The following NEGR1 variants were observed in gnomAD, a reference collection of about 807,000 sequenced individuals.
NEGR1 encodes the protein neuronal growth regulator 1.
Under a neutral mutation model 40.9 loss-of-function variants are expected in NEGR1, and 10 were observed. That is an observed-to-expected ratio of 0.24 (90% CI 0.15 to 0.42). The LOEUF (loss-of-function observed/expected upper bound fraction) is 0.42, where lower values mean the gene tolerates loss of function less well. NEGR1 is among the 10% of genes least tolerant of loss of function. NEGR1 has a pLI of 1.00. For missense variants in NEGR1, 352 were observed against 438.9 expected (o/e 0.80, Z 1.77); for synonymous variants, 185 against 166.8 (o/e 1.11, Z -0.84).
chr1:71,815,822 G>T (rs141348034), intron 2 of NEGR1, among the ~76,000 whole-genome samples: 1 of 151,826 alleles, frequency 6.6e-6, no homozygotes, highest in Non-Finnish European at 1.5e-5. Flanking sequence ...CCTCTTCCTC[G>T]ACTTTTTTTA....
chr1:71,525,690 G>A (rs965996435), intron 6 of NEGR1, among the ~76,000 whole-genome samples: 2 of 151,584 alleles, frequency 1.3e-5, no homozygotes, highest in Admixed American at 6.6e-5. Flanking sequence ...CAAATATAAT[G>A]TAAGGTATTA....
At chr1:71,820,170 A>G (rs926089530) in intron 2 of NEGR1, among the ~76,000 whole-genome samples, 4 of 152,040 alleles carry the variant, frequency 2.6e-5, no homozygotes, top group Admixed American at 6.6e-5. Flanking sequence ...TTAATAAAAG[A>G]CGACACCAGT....
chr1:71,506,461 A>G (rs2101409226), intron 6 of NEGR1, among the ~76,000 whole-genome samples: 1 of 152,234 alleles, frequency 6.6e-6, no homozygotes, highest in Non-Finnish European at 1.5e-5. Context: ...GGTAGAGGAG[A>G]GTTGGAAGCG....
intron 1 of NEGR1, among the ~76,000 whole-genome samples, chr1:72,272,506 A>T (rs1370528466): frequency 6.6e-6 from 1 of 151,996 alleles, no homozygotes; most frequent in African/African-American, 2.4e-5. Context: ...ATAACAGGAT[A>T]AATGTTATTA....
intron 2 of NEGR1, among the ~76,000 whole-genome samples, chr1:71,919,894 G>T (rs931942875): frequency 6.6e-6 from 1 of 152,144 alleles, no homozygotes; most frequent in African/African-American, 2.4e-5. Context: ...GGATAACTTT[G>T]AACTTTCCAT....
intron 4 of NEGR1, among the ~76,000 whole-genome samples, chr1:71,660,305 A>G (rs1018138907): frequency 3.9e-5 from 6 of 152,084 alleles, no homozygotes; most frequent in Non-Finnish European, 7.4e-5. Context: ...GAAGGAAACA[A>G]CACACATTGG....
intron 4 of NEGR1, among the ~76,000 whole-genome samples, chr1:71,638,815 T>C (rs984779542): frequency 6.6e-6 from 1 of 151,976 alleles, no homozygotes; most frequent in African/African-American, 2.4e-5. Flanking sequence ...GTGTCCGCAA[T>C]GCAAGCTGTT....
At chr1:71,979,881 T>C (rs1227529637) in intron 1 of NEGR1, among the ~76,000 whole-genome samples, 1 of 152,120 alleles carries the variant, frequency 6.6e-6, no homozygotes, top group Non-Finnish European at 1.5e-5. Context: ...ATTCTCCACC[T>C]TATGCAACCA....
intron 2 of NEGR1, among the ~76,000 whole-genome samples, chr1:71,933,044 T>G (rs1365593637): frequency 6.6e-6 from 1 of 152,080 alleles, no homozygotes; most frequent in East Asian, 1.9e-4. Flanking sequence ...GCTTTTAATT[T>G]TATCCAATCT....
intron 2 of NEGR1, among the ~76,000 whole-genome samples, chr1:71,863,526 T>G (rs1239194634): frequency 6.6e-6 from 1 of 152,112 alleles, no homozygotes; most frequent in East Asian, 1.9e-4. Context: ...GGTTGATCTG[T>G]GCCCCAAACC....
intron 4 of NEGR1, among the ~76,000 whole-genome samples, chr1:71,614,812 C>T (rs770157151): frequency 2.8e-4 from 43 of 152,132 alleles, no homozygotes; most frequent in Non-Finnish European, 5.0e-4. Flanking sequence ...TCTAGTTCAT[C>T]ATTAAAAGGC....
intron 1 of NEGR1, among the ~76,000 whole-genome samples, chr1:72,128,101 T>C (rs1650101472): frequency 6.6e-6 from 1 of 152,154 alleles, no homozygotes; most frequent in Admixed American, 6.5e-5. Context: ...TAAAATTATC[T>C]GGATAAAAAT....
chr1:71,844,918 A>G (rs540517919), intron 2 of NEGR1, among the ~76,000 whole-genome samples: 28 of 152,292 alleles, frequency 1.8e-4, no homozygotes, highest in South Asian at 1.0e-3. Flanking sequence ...TATCCAGGAT[A>G]TAGTCAAGAA....
At chr1:71,933,775 T>C (rs1029451660) in intron 2 of NEGR1, among the ~76,000 whole-genome samples, 1 of 152,054 alleles carries the variant, frequency 6.6e-6, no homozygotes, top group Non-Finnish European at 1.5e-5. Flanking sequence ...GAAAAATCAC[T>C]GAGGAAATTC....
Position 71,530,516 on chromosome 1 carries a change from A to G in NEGR1, c.940+62301T>C, listed in dbSNP as rs369637772. 5.3e-5 allele frequency among the ~76,000 whole-genome samples: 8 copies of G among 151,472 alleles called. No individual in the cohort carries two copies. The East Asian group carries it at 1.2e-3, about 22-fold the overall frequency. The stretch of plus-strand genomic sequence containing the variant: ...ACCAAACTGTTCCCTGGAGGCCTTC[A>G]ACAAATTCACAATTAATGAAGGGTG... On this transcript the variant is annotated intron_variant, in intron 6 of 6. Coordinates refer to ENST00000357731, the MANE Select transcript of NEGR1 (RefSeq NM_173808.3).
intron 2 of NEGR1, among the ~76,000 whole-genome samples, chr1:71,898,995 TA>T (rs199509564): frequency 5.2e-5 from 4 of 77,152 alleles, no homozygotes; most frequent in South Asian, 4.2e-4. Context: ...TATATATATA[TA>T]TATATATATA....
rs141686546 is a variant in NEGR1, at chr1:72,166,505, A to G, written c.176+115814T>C. 5.9e-5 allele frequency among the ~76,000 whole-genome samples: 9 copies of G among 152,278 alleles called. No homozygotes were observed. In the East Asian group the frequency reaches 1.5e-3, roughly 26 times the overall value. ...CATGTTCATTGCTGCGCTATTCACA[A>G]TAGCCAAGATATGGACTCAACCTCA... On this transcript the variant is annotated intron_variant, in intron 1 of 6. Transcript: ENST00000357731.
intron 1 of NEGR1, among the ~76,000 whole-genome samples, chr1:72,073,901 AAAT>A: frequency 6.6e-6 from 1 of 152,258 alleles, no homozygotes; most frequent in South Asian, 2.1e-4. Context: ...AAGAAAGACA[AAAT>A]AATATCACAG....
chr1:72,080,260 C>A (rs1337015818), intron 1 of NEGR1, among the ~76,000 whole-genome samples: 3 of 151,944 alleles, frequency 2.0e-5, no homozygotes, highest in Non-Finnish European at 4.4e-5. Flanking sequence ...AATAATCTTG[C>A]ATCTTTATAG....
Sources: gnomAD v4.1 joint callset for allele counts (sites outside exome capture counted in the v4.1 genomes callset) on GRCh38, gnomAD v4.1.1 for gene constraint, MANE v1.5 for transcripts, NCBI Gene and HGNC (gene_info 2026-07-23, HGNC 2026-07-21) for gene names.